SLC25A21: variants seen among roughly 807,000 people sequenced by gnomAD.
SLC25A21 encodes the protein solute carrier family 25 member 21.
A neutral mutation model predicts 43.8 loss-of-function variants in SLC25A21; 47 were observed. The ratio of observed to expected loss-of-function variants is 1.07; its 90% CI spans 0.85 to 1.37. The LOEUF (loss-of-function observed/expected upper bound fraction) is 1.37, where lower values mean the gene tolerates loss of function less well. Among genes scored for constraint, SLC25A21 ranks in the 40% most tolerant of loss-of-function variants. The probability of loss-of-function intolerance (pLI) is 0.00; values close to 1 mark genes in which losing one functional copy is unlikely to be tolerated. For missense variants in SLC25A21, 352 were observed against 350.2 expected (o/e 1.00, Z -0.04); for synonymous variants, 131 against 121.3 (o/e 1.08, Z -0.52).
chr14:37,078,114 C>T (rs1355203905), intron 1 of SLC25A21, among the ~76,000 whole-genome samples: 2 of 152,104 alleles, frequency 1.3e-5, no homozygotes, highest in African/African-American at 2.4e-5. Context: ...TTATCCAGGA[C>T]TTTCTTGAAA....
At chr14:37,124,190 A>G (rs1268997720) in intron 1 of SLC25A21, among the ~76,000 whole-genome samples, 1 of 151,746 alleles carries the variant, frequency 6.6e-6, no homozygotes, top group African/African-American at 2.4e-5. Flanking sequence ...TCCACCTCTC[A>G]AAGTGCTGGG....
chr14:37,002,178 A>G (rs1008925031), intron 1 of SLC25A21, among the ~76,000 whole-genome samples: 2 of 152,142 alleles, frequency 1.3e-5, no homozygotes, highest in Non-Finnish European at 2.9e-5. Flanking sequence ...AAAAAGCACC[A>G]TAAGGAAAGT....
intron 1 of SLC25A21, among the ~76,000 whole-genome samples, chr14:37,103,776 A>G (rs1962861210): frequency 1.3e-5 from 2 of 152,194 alleles, no homozygotes; most frequent in East Asian, 1.9e-4. Flanking sequence ...ATGGCACACA[A>G]CAGACAGACA....
intron 7 of SLC25A21, among the ~76,000 whole-genome samples, chr14:36,690,254 C>T (rs1466741053): frequency 6.6e-6 from 1 of 152,120 alleles, no homozygotes; most frequent in Admixed American, 6.6e-5. Context: ...TATTTTTTCA[C>T]ACTGTTAAGA....
At chr14:37,097,592 A>G (rs1214789047) in intron 1 of SLC25A21, among the ~76,000 whole-genome samples, 2 of 152,112 alleles carry the variant, frequency 1.3e-5, no homozygotes, top group South Asian at 2.1e-4. Context: ...TCAGACAAAA[A>G]TAATATCAGG....
intron 3 of SLC25A21, among the ~76,000 whole-genome samples, chr14:36,771,740 C>A (rs1180179489): frequency 7.6e-6 from 1 of 132,170 alleles, no homozygotes; most frequent in Non-Finnish European, 1.6e-5. Context: ...TTTAATCTTG[C>A]CAAGCAAGAA....
intron 1 of SLC25A21, among the ~76,000 whole-genome samples, chr14:36,890,380 A>G (rs1449723465): frequency 6.6e-6 from 1 of 152,174 alleles, no homozygotes; most frequent in African/African-American, 2.4e-5. Context: ...AGTGCATGGC[A>G]GCGAGTAATT....
chr14:36,973,360 A>C (rs1388812923), intron 1 of SLC25A21, among the ~76,000 whole-genome samples: 1 of 152,204 alleles, frequency 6.6e-6, no homozygotes, highest in African/African-American at 2.4e-5. Context: ...AACTGAGCAA[A>C]GGCACGTGAG....
chr14:36,997,367 A>C (rs895984459), intron 1 of SLC25A21, among the ~76,000 whole-genome samples: 1 of 151,920 alleles, frequency 6.6e-6, no homozygotes, highest in African/African-American at 2.4e-5. Flanking sequence ...GACTGAGGAG[A>C]TGCTTTATGT....
intron 1 of SLC25A21, among the ~76,000 whole-genome samples, chr14:37,039,701 A>G (rs2138780640): frequency 6.6e-6 from 1 of 152,336 alleles, no homozygotes; most frequent in South Asian, 2.1e-4. Context: ...TGGAATATAC[A>G]GTCACTAAAG....
In SLC25A21 at chr14:36,810,347, A is replaced by G. The variant is rs573467535; in HGVS notation, c.203+3571T>C. Reference sequence around the variant, plus strand: ...ACACATGAATTGAAGATCTTGGCTAAGGAACTGCCACGTTCAATTCAGGGA... The same window carrying G: ...ACACATGAATTGAAGATCTTGGCTAGGGAACTGCCACGTTCAATTCAGGGA... On this transcript the variant is annotated intron_variant, in intron 3 of 9. Transcript: ENST00000331299. Among the ~76,000 whole-genome samples the G allele has an allele frequency of 2.0e-5, 3 of 152,310 alleles. No individual in the cohort carries two copies. In the East Asian group the frequency reaches 5.8e-4, roughly 29 times the overall value.
intron 1 of SLC25A21, among the ~76,000 whole-genome samples, chr14:37,136,385 A>C (rs1252303428): frequency 6.6e-6 from 1 of 152,224 alleles, no homozygotes; most frequent in African/African-American, 2.4e-5. Context: ...ATAAATATTT[A>C]CTTATCCAGA....
intron 1 of SLC25A21, among the ~76,000 whole-genome samples, chr14:37,166,592 C>A (rs539759250): frequency 6.6e-6 from 1 of 152,332 alleles, no homozygotes; most frequent in South Asian, 2.1e-4. Context: ...AAGCTTAGAA[C>A]TGGATCCGGC....
At chr14:36,721,987 C>G (rs1884391352) in intron 6 of SLC25A21, among the ~76,000 whole-genome samples, 1 of 152,218 alleles carries the variant, frequency 6.6e-6, no homozygotes, top group Admixed American at 6.5e-5. Context: ...TTCTCCTCCT[C>G]TATTCCAGTC....
chr14:36,953,597 C>T (rs975945815), intron 1 of SLC25A21, among the ~76,000 whole-genome samples: 42 of 152,226 alleles, frequency 2.8e-4, no homozygotes, highest in African/African-American at 9.4e-4. Flanking sequence ...TATTTCATAT[C>T]GCAAACAAAT....
chr14:36,959,007 C>T (rs1477827732), intron 1 of SLC25A21, among the ~76,000 whole-genome samples: 1 of 152,168 alleles, frequency 6.6e-6, no homozygotes, highest in Non-Finnish European at 1.5e-5. Flanking sequence ...TGGTTCCACC[C>T]TATTCAAGCA....
At chr14:36,888,554 AT>A (rs1218655283) in intron 1 of SLC25A21, among the ~76,000 whole-genome samples, 3 of 151,966 alleles carry the variant, frequency 2.0e-5, no homozygotes, top group Non-Finnish European at 2.9e-5. Flanking sequence ...ATATATATAA[AT>A]ATGTATGAAT....
At chr14:36,919,631 C>CTATA (rs1891925030) in intron 1 of SLC25A21, among the ~76,000 whole-genome samples, 1 of 134,944 alleles carries the variant, frequency 7.4e-6, no homozygotes, top group Non-Finnish European at 1.6e-5. Flanking sequence ...ACCTATCTAT[C>CTATA]TATCTATCTA....
intron 1 of SLC25A21, among the ~76,000 whole-genome samples, chr14:37,045,941 T>C (rs1365811510): frequency 1.3e-5 from 2 of 152,206 alleles, no homozygotes; most frequent in African/African-American, 4.8e-5. Flanking sequence ...TTTGTTTCAA[T>C]ACATAAAAAC....
Sources: gnomAD v4.1 joint callset for allele counts (sites outside exome capture counted in the v4.1 genomes callset) on GRCh38, gnomAD v4.1.1 for gene constraint, MANE v1.5 for transcripts, NCBI Gene and HGNC (gene_info 2026-07-23, HGNC 2026-07-21) for gene names.